Variants in ZNF705G observed in about 807,000 individuals in gnomAD.
The protein encoded by ZNF705G is zinc finger protein 705G.
A neutral mutation model predicts 19.6 loss-of-function variants in ZNF705G; 23 were observed. The ratio of observed to expected loss-of-function variants is 1.17; its 90% CI spans 0.84 to 1.66. ZNF705G has a LOEUF of 1.66. Among genes scored for constraint, ZNF705G ranks in the 40% most tolerant of loss-of-function variants. ZNF705G has a pLI of 0.00. For synonymous variants in ZNF705G, 146 were observed against 117.7 expected (o/e 1.24, Z -1.56); for missense variants, 457 against 354.4 (o/e 1.29, Z -2.32).
At chr8:7,366,173 ACGGGAT>A (rs2128839740) in intron 2 of ZNF705G, among the ~76,000 whole-genome samples, 3 of 147,062 alleles carry the variant, frequency 2.0e-5, no homozygotes, top group Admixed American at 1.3e-4. Context: ...TATTATCTTG[ACGGGAT>A]TGCAAGTCAG....
Position 7,379,436 on chromosome 8 carries a change from G to T in ZNF705G, c.-72+2016C>A, listed in dbSNP as rs117839377. ...ATAGAATATTATCCTCTCATTGCTA[G>T]GAGGCGGTCTTCAAGATGGCTGACT... On this transcript the variant is annotated intron_variant, in intron 2 of 6. Coordinates refer to ENST00000400156, the MANE Select transcript of ZNF705G (RefSeq NM_001164457.3). 2.3e-3 allele frequency among the ~76,000 whole-genome samples: 340 copies of T among 147,352 alleles called. 3 individuals are homozygous for T. Among genetic ancestry groups the T allele is most frequent in the South Asian group, 0.019 (89 of 4,748 alleles).
intron 6 of ZNF705G, 70 bp from the exon 7 acceptor site, chr8:7,358,630 T>A: frequency 1.9e-6 from 3 of 1,592,848 alleles, no homozygotes; most frequent in Non-Finnish European, 2.6e-6. Flanking sequence ...TCACTACCTT[T>A]GAATCCTAGA....
chr8:7,383,329 C>T (rs1563304729), intron 1 of ZNF705G, among the ~76,000 whole-genome samples: 1 of 147,052 alleles, frequency 6.8e-6, no homozygotes, highest in South Asian at 2.1e-4. Flanking sequence ...ATTCCTCCTT[C>T]TCTCTTTCCC....
intron 2 of ZNF705G, among the ~76,000 whole-genome samples, chr8:7,364,258 A>T (rs1806749698): frequency 6.7e-6 from 1 of 149,614 alleles, no homozygotes; most frequent in Non-Finnish European, 1.5e-5. Context: ...TGCATGTATT[A>T]TTTCCCTGCT....
chr8:7,370,283 AT>A lies in ZNF705G; in HGVS notation c.-71-7267del, dbSNP rs1178873111. 6.4e-5 allele frequency among the ~76,000 whole-genome samples: 9 copies of A among 140,766 alleles called. 1 individual carries two copies. Among genetic ancestry groups the A allele is most frequent in the African/African-American group, 1.4e-4 (5 of 35,580 alleles). The allele number at this position is 140,766 out of a possible 152,430, so 92.3% of individuals were successfully genotyped here. On this transcript the variant is annotated intron_variant, in intron 2 of 6. Transcript: ENST00000400156. ...GAGACTCCATCTCAAAAAAAAAAAA[AT>A]ATGCAAAGATCTGAGTAGACATTTC...
At chr8:7,376,758 G>T (rs1302034451) in intron 2 of ZNF705G, among the ~76,000 whole-genome samples, 13 of 150,230 alleles carry the variant, frequency 8.7e-5, no homozygotes, top group African/African-American at 3.3e-4. Flanking sequence ...AAACACATAG[G>T]AATATTGTTC....
chr8:7,359,666 A>T lies in ZNF705G; in HGVS notation c.271T>A (p.Ser91Thr), dbSNP rs780701548. Reference protein sequence around the residue: ...ESALKKTHMISMHPITRKDAS... With the variant: ...ESALKKTHMITMHPITRKDAS... ...TCTTTTCTGGTGATAGGATGCATGG[A>T]TATCATGTGTGTTTTCTTAAGGGCA... The change falls in exon 6 of 7, where the codon TCC becomes ACC. Residue 91 changes from serine to threonine, a missense_variant. Coordinates refer to ENST00000400156, the MANE Select transcript of ZNF705G (RefSeq NM_001164457.3). The T allele has an allele frequency of 2.5e-6, 4 of 1,606,886 alleles. No individual in the cohort carries two copies. Among genetic ancestry groups the T allele is most frequent in the East Asian group, 4.5e-5 (2 of 44,826 alleles).
chr8:7,376,754 A>G (rs1365685601), intron 2 of ZNF705G, among the ~76,000 whole-genome samples: 2 of 150,266 alleles, frequency 1.3e-5, no homozygotes, highest in African/African-American at 5.0e-5. Flanking sequence ...TATTAAACAC[A>G]TAGGAATATT....
At chr8:7,370,420 A>G (rs1201958082) in intron 2 of ZNF705G, among the ~76,000 whole-genome samples, 3 of 149,782 alleles carry the variant, frequency 2.0e-5, no homozygotes, top group Admixed American at 6.6e-5. Flanking sequence ...CTGATAGAAT[A>G]GCTATTATCA....
intron 2 of ZNF705G, among the ~76,000 whole-genome samples, chr8:7,367,838 G>A (rs1363828772): frequency 6.7e-6 from 1 of 149,800 alleles, no homozygotes; most frequent in Non-Finnish European, 1.5e-5. Context: ...AGTTGCTTAT[G>A]GACCCATGCA....
chr8:7,382,127 A>G (rs1395258630), intron 1 of ZNF705G, among the ~76,000 whole-genome samples: 2 of 151,382 alleles, frequency 1.3e-5, no homozygotes, highest in Admixed American at 6.6e-5. Flanking sequence ...TTTAGTGGTG[A>G]TGCTTCTTCT....
At chr8:7,382,882 C>T (rs1404583699) in intron 1 of ZNF705G, among the ~76,000 whole-genome samples, 8 of 146,888 alleles carry the variant, frequency 5.4e-5, no homozygotes, top group Non-Finnish European at 1.0e-4. Flanking sequence ...TTTTAGTACA[C>T]CTGTCACCTG....
intron 2 of ZNF705G, among the ~76,000 whole-genome samples, chr8:7,367,602 G>C (rs1246342724): frequency 6.7e-6 from 1 of 149,592 alleles, no homozygotes; most frequent in Non-Finnish European, 1.5e-5. Flanking sequence ...GACGAATCAC[G>C]GGAAAGAGGA....
chr8:7,384,371 C>T, intron 1 of ZNF705G, among the ~76,000 whole-genome samples: 1 of 145,552 alleles, frequency 6.9e-6, no homozygotes, highest in Non-Finnish European at 1.5e-5. Flanking sequence ...ACTAGGATCA[C>T]CACAAGAGTT....
rs1214897293 is a variant in ZNF705G at position 7,368,083 on chromosome 8, TC to T, written c.-71-5067del. On this transcript the variant is annotated intron_variant, in intron 2 of 6. Coordinates refer to ENST00000400156, the MANE Select transcript of ZNF705G (RefSeq NM_001164457.3). ...GGGAAAATGCATCCTCTGATTGGCT[TC>T]CCCTTATATATGAAAAAAAAATTAA... 5.4e-5 allele frequency among the ~76,000 whole-genome samples: 8 copies of T among 149,158 alleles called. 2 individuals carry two copies. The highest frequency in any genetic ancestry group is 2.1e-4 in the African/African-American group (8 of 38,702).
chr8:7,359,046 TG>T (rs1806438864), intron 6 of ZNF705G, among the ~76,000 whole-genome samples: 1 of 149,668 alleles, frequency 6.7e-6, no homozygotes, highest in Non-Finnish European at 1.5e-5. Context: ...TGTCATCTTA[TG>T]TAAAAAAATC....
In ZNF705G at chr8:7,361,138, C is replaced by T. The variant is rs1806570180; in HGVS notation, c.111G>A (p.Leu37=). ...SKRKLYRDVM[L]ENISHLVSLG... ...GGGACACCAGGTGACTGATATTTTC[C>T]AGCATCACATCTCTGTACAGCTTTC... Residue 37 remains leucine, a synonymous_variant, in exon 4 of 7, where the codon CTG becomes CTA. Coordinates refer to ENST00000400156, the MANE Select transcript of ZNF705G (RefSeq NM_001164457.3). 1 of 1,592,828 alleles carries T rather than the reference C, an allele frequency of 6.3e-7. No individual in the cohort carries two copies. Among genetic ancestry groups the T allele is most frequent in the African/African-American group, 1.4e-5 (1 of 70,784 alleles).
chr8:7,379,659 T>C (rs1279573676), intron 2 of ZNF705G, among the ~76,000 whole-genome samples: 1 of 146,834 alleles, frequency 6.8e-6, no homozygotes, highest in Non-Finnish European at 1.5e-5. Flanking sequence ...TCCAGTGTGG[T>C]GAAAAGGTAA....
Position 7,360,351 on chromosome 8 carries a change from C to T in ZNF705G, c.140-19G>A. 6.3e-7 allele frequency: 1 copy of T among 1,587,816 alleles called. No homozygotes were observed. The stretch of plus-strand genomic sequence containing the variant: ...TGGTACCCTGTTAGTGGAAAGAATA[C>T]ATGTGTTTTGAGTTCACTGTCAATA... On this transcript the variant is annotated intron_variant, in intron 4 of 6. Transcript: ENST00000400156.
Sources: allele counts gnomAD v4.1 joint callset (sites outside exome capture counted in the v4.1 genomes callset), GRCh38; gene constraint gnomAD v4.1.1; transcripts MANE v1.5; gene names NCBI Gene and HGNC (gene_info 2026-07-23, HGNC 2026-07-21).